Variants in C22orf31 observed in about 807,000 individuals in gnomAD.
C22orf31 encodes uncharacterized protein C22orf31.
In C22orf31, 11 loss-of-function variants were observed where a neutral mutation model predicts 15.0. The observed-to-expected ratio is 0.73, with a 90% confidence interval of 0.46 to 1.21. The LOEUF (loss-of-function observed/expected upper bound fraction) is 1.21, where lower values mean the gene tolerates loss of function less well. Among genes scored for constraint, C22orf31 ranks in the 50% most tolerant of loss-of-function variants. The pLI, the probability that C22orf31 is intolerant of heterozygous loss-of-function variation, is 0.00. For missense variants in C22orf31, 340 were observed against 347.2 expected (o/e 0.98, Z 0.17); for synonymous variants, 132 against 133.3 (o/e 0.99, Z 0.07).
chr22:29,066,539 CTTTTTTTTTTTTTTTTTTTTTTT>C (rs134565), upstream of C22orf31, among the ~76,000 whole-genome samples: 29 of 70,208 alleles, frequency 4.1e-4, 1 homozygote, highest in Non-Finnish European at 5.8e-4. Flanking sequence ...CTTTTCTTTT[CTTTTTTTTTTTTTTTTTTTTTTT>C]TTTTTTTTTT....
At chr22:29,070,111 A>C in the C22orf31 span, among the ~76,000 whole-genome samples, 8 of 151,836 alleles carry the variant, frequency 5.3e-5, no homozygotes, top group African/African-American at 1.7e-4. Context: ...AAGCCCGGAT[A>C]ATTTTTTGTG....
At chr22:29,062,237 G>T (rs2037398358), upstream of C22orf31, among the ~76,000 whole-genome samples, 1 of 152,096 alleles carries the variant, frequency 6.6e-6, no homozygotes, top group African/African-American at 2.4e-5. Context: ...TTGGGGATAT[G>T]GGTAGTGAGA....
At chr22:29,067,455 T>C in the C22orf31 span, among the ~76,000 whole-genome samples, 1 of 152,114 alleles carries the variant, frequency 6.6e-6, no homozygotes, top group Admixed American at 6.5e-5. Context: ...TTTTCTTTCT[T>C]TTTTGACACA....
upstream of C22orf31, among the ~76,000 whole-genome samples, chr22:29,063,449 A>G (rs904386015): frequency 2.0e-5 from 3 of 152,220 alleles, no homozygotes; most frequent in African/African-American, 4.8e-5. Context: ...TACAGGCGTG[A>G]GCCTGTGCTC....
In C22orf31 at chr22:29,058,858, T is replaced by C. The variant is rs748921003; in HGVS notation, c.757A>G (p.Ser253Gly). 3 of 1,614,184 alleles carry C rather than the reference T, an allele frequency of 1.9e-6. No homozygotes were observed. The highest frequency in any genetic ancestry group is 1.1e-5 in the South Asian group (1 of 91,088). Residue 253 changes from serine to glycine, a missense_variant, in exon 3 of 3, where the codon AGT (serine) becomes GGT (glycine). Physicochemically the swap from Ser to Gly is moderately conservative, Grantham distance 56 (BLOSUM62 0). Transcript: ENST00000216071. ...GCACCTTCAGAGATGGCACCCTGAC[T>C]GCAAAGAGCCTCCCAGAGCTTTTGT... ...IKQKLWEALC[S>G]QGAISEGAQR...
the C22orf31 span, among the ~76,000 whole-genome samples, chr22:29,071,161 T>TGG: frequency 1.5e-5 from 2 of 137,170 alleles, no homozygotes; most frequent in African/African-American, 5.8e-5. Flanking sequence ...TGGCAGGAGG[T>TGG]GGGGGGGGCG....
rs763174869 is a variant in C22orf31 at position 29,060,873 on chromosome 22, T to G, written c.4-30A>C. On this transcript the variant is annotated intron_variant, in intron 1 of 2. Transcript: ENST00000216071. ...AATTATAAGGAGGGAGAAATGAATT[T>G]TAAAAGGACCGTTCTTCAGCAGAGA... is the stretch of plus-strand genomic sequence containing the variant. The G allele has an allele frequency of 5.1e-6, 8 of 1,565,494 alleles. No individual in the cohort carries two copies. The South Asian group carries it at 9.1e-5, about 18-fold the overall frequency.
upstream of C22orf31, among the ~76,000 whole-genome samples, chr22:29,062,459 A>G (rs144043368): frequency 6.6e-6 from 1 of 152,098 alleles, no homozygotes; most frequent in African/African-American, 2.4e-5. Flanking sequence ...CAGTAATTAG[A>G]GCTGTTAGCA....
chr22:29,073,215 G>T, the C22orf31 span: 9 of 1,178,226 alleles, frequency 7.6e-6, no homozygotes, highest in East Asian at 3.4e-4. This position sits in a 1 kb window ranked among gnomAD's most constrained non-coding sequence, Gnocchi z 4.4. Context: ...CCCCGGCCTC[G>T]GCCCCGGACC....
chr22:29,070,471 T>G, the C22orf31 span, among the ~76,000 whole-genome samples: 1 of 152,322 alleles, frequency 6.6e-6, no homozygotes, highest in Admixed American at 6.5e-5. Context: ...TAAACTTTGT[T>G]TCCAACCTCC....
upstream of C22orf31, among the ~76,000 whole-genome samples, chr22:29,064,055 A>G (rs190553524): frequency 1.2e-3 from 182 of 152,232 alleles, 1 homozygote; most frequent in African/African-American, 4.2e-3. Flanking sequence ...TTTAGTAGAG[A>G]TGGGGTTTCA....
At chr22:29,070,285 C>A in the C22orf31 span, among the ~76,000 whole-genome samples, 1 of 152,226 alleles carries the variant, frequency 6.6e-6, no homozygotes, top group African/African-American at 2.4e-5. Context: ...AAAGGACATA[C>A]ATTTTCATTT....
At chr22:29,070,118 T>C in the C22orf31 span, among the ~76,000 whole-genome samples, 4 of 152,166 alleles carry the variant, frequency 2.6e-5, no homozygotes, top group African/African-American at 9.6e-5. Context: ...GATAATTTTT[T>C]GTGTTTTTAG....
chr22:29,073,241 A>AC, the C22orf31 span: 6 of 1,100,840 alleles, frequency 5.5e-6, no homozygotes, highest in African/African-American at 6.8e-5. This position sits in a 1 kb window ranked among gnomAD's most constrained non-coding sequence, Gnocchi z 4.4. Context: ...AGTGTGAGCG[A>AC]CCCCCCGCCG....
rs1569303665 is a variant in C22orf31, at chr22:29,059,128, T to C, written c.487A>G (p.Arg163Gly). The C allele has an allele frequency of 1.2e-6, 2 of 1,613,870 alleles. No homozygotes were observed. Among genetic ancestry groups the C allele is most frequent in the South Asian group, 1.1e-5 (1 of 91,022 alleles). ...GTGGCAGCCACATGTTCAGCATATC[T>C]GTCCTCAAGATCTTGGCGGACTGTT... is the stretch of plus-strand genomic sequence containing the variant. ...KLTVRQDLED[R>G]YAEHVAATQA... Residue 163 changes from arginine (R) to glycine (G), a missense_variant, in exon 3 of 3, where the codon AGA becomes GGA. Arg to Gly is a moderately radical substitution (Grantham distance 125, BLOSUM62 -2). Coordinates refer to ENST00000216071, the MANE Select transcript of C22orf31 (RefSeq NM_015370.2).
chr22:29,064,675 A>ATTTTTTTTTTTT (rs563569423), upstream of C22orf31, among the ~76,000 whole-genome samples: 5 of 51,326 alleles, frequency 9.7e-5, no homozygotes, highest in South Asian at 1.1e-3. Context: ...TTGCCCAGTG[A>ATTTTTTTTTTTT]TTTTTTTTTT....
At chr22:29,073,297 G>A in the C22orf31 span, 1 of 589,638 alleles carries the variant, frequency 1.7e-6, no homozygotes, top group Non-Finnish European at 2.3e-6. The surrounding 1 kb of genome is among the most constrained non-coding windows in gnomAD (Gnocchi z 4.4). Context: ...GGGCCGGCCG[G>A]CCTGAGAGCC....
At chr22:29,061,538 T>C (rs966625700) in intron 1 of C22orf31, among the ~76,000 whole-genome samples, 1 of 152,166 alleles carries the variant, frequency 6.6e-6, no homozygotes, top group African/African-American at 2.4e-5. Context: ...AGTGCTGGGA[T>C]TACCAGCATG....
At position 29,060,815 on chromosome 22, in the gene C22orf31, C is replaced by G. The variant is rs774325122; in HGVS notation, c.32G>C (p.Ser11Thr). Residue 11 changes from serine to threonine, a missense_variant, in exon 2 of 3, where the codon AGC becomes ACC. Coordinates refer to ENST00000216071, the MANE Select transcript of C22orf31 (RefSeq NM_015370.2). ...CTGTCGGAGTCCATAGATAGGGATG[C>G]TGGGGTCTCGTCTCACATTGATTGG... is the stretch of plus-strand genomic sequence containing the variant. MHPINVRRDP[S>T]IPIYGLRQSI... The G allele has an allele frequency of 3.7e-5, 60 of 1,613,720 alleles. No individual in the cohort carries two copies. Among genetic ancestry groups the G allele is most frequent in the Non-Finnish European group, 5.1e-5 (60 of 1,179,826 alleles).
Sources: allele counts gnomAD v4.1 joint callset (sites outside exome capture counted in the v4.1 genomes callset), GRCh38; gene constraint gnomAD v4.1.1; non-coding constraint Gnocchi (gnomAD v3.1); transcripts MANE v1.5; gene names NCBI Gene and HGNC (gene_info 2026-07-23, HGNC 2026-07-21).